Variants in PCDH15 observed in about 807,000 individuals in gnomAD.
PCDH15 encodes protocadherin related 15, also known as protocadherin-15.
A neutral mutation model predicts 178.5 loss-of-function variants in PCDH15; 129 were observed. That is an observed-to-expected ratio of 0.72 (90% CI 0.63 to 0.84). The LOEUF (loss-of-function observed/expected upper bound fraction) is 0.84, where lower values mean the gene tolerates loss of function less well. PCDH15 is among the 40% of genes least tolerant of loss of function. The pLI is 0.00. For synonymous variants in PCDH15, 800 were observed against 732.0 expected, an observed-to-expected ratio of 1.09 and a Z score of -1.50; for missense variants, 2,230 against 2,099.9, an observed-to-expected ratio of 1.06 and a Z score of -1.21.
Position 54,273,654 on chromosome 10 carries a change from A to G in PCDH15, c.877-36723T>C, listed in dbSNP as rs1356973605. Among the ~76,000 whole-genome samples the G allele has an allele frequency of 3.9e-5, 6 of 152,264 alleles. No homozygotes were observed. The East Asian group carries it at 1.2e-3, about 29-fold the overall frequency. ...AAGAAAAAAAAGTCATCAAACATAT[A>G]TCCTTCCAAAAGTATAGACTTCAAA... On this transcript the variant is annotated intron_variant, in intron 8 of 37. Coordinates refer to ENST00000644397, the MANE Select transcript of PCDH15 (RefSeq NM_001384140.1).
At chr10:53,845,758 G>T (rs1167516418) in intron 28 of PCDH15, among the ~76,000 whole-genome samples, 2 of 151,574 alleles carry the variant, frequency 1.3e-5, no homozygotes, top group African/African-American at 4.8e-5. Context: ...ATGGTTAATG[G>T]ATACAAAAAT....
intron 3 of PCDH15, among the ~76,000 whole-genome samples, chr10:54,892,394 T>A (rs1954478447): frequency 6.6e-6 from 1 of 151,654 alleles, no homozygotes; most frequent in Non-Finnish European, 1.5e-5. Flanking sequence ...AAAAATATTT[T>A]AAAATTAAAA....
chr10:55,449,069 A>T (rs1192198961), intron 2 of PCDH15, among the ~76,000 whole-genome samples: 1 of 152,080 alleles, frequency 6.6e-6, no homozygotes, highest in African/African-American at 2.4e-5. Flanking sequence ...AGATAGATCT[A>T]GGCATTGATT....
At chr10:54,153,937 A>C (rs967514241) in intron 13 of PCDH15, among the ~76,000 whole-genome samples, 2 of 152,222 alleles carry the variant, frequency 1.3e-5, no homozygotes, top group African/African-American at 4.8e-5. Context: ...ATCAAGGGTA[A>C]CATAGCCCAA....
chr10:53,884,847 G>A (rs2080978060), intron 26 of PCDH15, among the ~76,000 whole-genome samples: 1 of 151,942 alleles, frequency 6.6e-6, no homozygotes, highest in Admixed American at 6.6e-5. Context: ...TATAAATGTA[G>A]GTGAGATACA....
rs377699618 is a variant in PCDH15, at chr10:54,169,427, G to T, written c.1590+14017C>A. ...TTGACGGCCAGGCTTCTAAACCTCT[G>T]AAAACTCCCCAACTCTGTTGCCAAC... On this transcript the variant is annotated intron_variant, in intron 13 of 37. Coordinates refer to ENST00000644397, the MANE Select transcript of PCDH15 (RefSeq NM_001384140.1). Among the ~76,000 whole-genome samples the T allele has an allele frequency of 4.5e-3, 619 of 136,708 alleles. 1 individual carries two copies. Among genetic ancestry groups the T allele is most frequent in the African/African-American group, 0.015 (556 of 36,184 alleles). 89.7% of individuals were successfully genotyped at this position (136,708 alleles called of 152,430 possible).
intron 3 of PCDH15, among the ~76,000 whole-genome samples, chr10:54,820,543 C>T (rs1953021009): frequency 6.6e-6 from 1 of 152,008 alleles, no homozygotes; most frequent in Admixed American, 6.6e-5. Context: ...ATTTTAAATT[C>T]TGCCTTATTG....
At chr10:54,826,167 T>C (rs914958154) in intron 3 of PCDH15, among the ~76,000 whole-genome samples, 4 of 152,018 alleles carry the variant, frequency 2.6e-5, no homozygotes, top group African/African-American at 9.7e-5. Context: ...CTTTTTTATA[T>C]TTACACCACA....
chr10:54,557,273 T>C (rs889476494), intron 2 of PCDH15, among the ~76,000 whole-genome samples: 1 of 152,186 alleles, frequency 6.6e-6, no homozygotes, highest in Non-Finnish European at 1.5e-5. Context: ...GGGTAGATTC[T>C]AAAGACCAGT....
intron 9 of PCDH15, among the ~76,000 whole-genome samples, chr10:54,230,081 T>G (rs570791834): frequency 6.6e-6 from 1 of 152,326 alleles, no homozygotes; most frequent in South Asian, 2.1e-4. Context: ...TTTGATAGCT[T>G]TCACTTTTGC....
chr10:55,264,028 C>G (rs1488529446), intron 1 of PCDH15, among the ~76,000 whole-genome samples: 5 of 152,098 alleles, frequency 3.3e-5, no homozygotes, highest in Non-Finnish European at 7.4e-5. Flanking sequence ...GCCACCGCCC[C>G]GGGCCTGTTT....
intron 26 of PCDH15, among the ~76,000 whole-genome samples, chr10:53,899,320 C>CAATT (rs1441119599): frequency 6.6e-6 from 1 of 152,014 alleles, no homozygotes; most frequent in Admixed American, 6.6e-5. Context: ...AGCAGATATA[C>CAATT]AATTGTCTTT....
intron 26 of PCDH15, among the ~76,000 whole-genome samples, chr10:53,875,372 A>G (rs1382433485): frequency 6.6e-6 from 1 of 151,946 alleles, no homozygotes; most frequent in Non-Finnish European, 1.5e-5. Flanking sequence ...ATTTATTAAT[A>G]GTAATAAGGA....
intron 1 of PCDH15, among the ~76,000 whole-genome samples, chr10:54,766,888 C>A (rs1252146593): frequency 6.6e-6 from 1 of 151,942 alleles, no homozygotes; most frequent in African/African-American, 2.4e-5. Context: ...CGAGATAGCA[C>A]CACTGCACTC....
At chr10:53,841,143 A>G (rs1589040850) in intron 28 of PCDH15, among the ~76,000 whole-genome samples, 1 of 152,228 alleles carries the variant, frequency 6.6e-6, no homozygotes, top group Admixed American at 6.5e-5. Flanking sequence ...ATATTAATCA[A>G]TAAGTAATTT....
intron 8 of PCDH15, among the ~76,000 whole-genome samples, chr10:54,285,050 A>G (rs1173645432): frequency 1.3e-5 from 2 of 152,224 alleles, no homozygotes; most frequent in Non-Finnish European, 2.9e-5. Context: ...TAACTCAATA[A>G]AATTTAAACC....
intron 2 of PCDH15, among the ~76,000 whole-genome samples, chr10:55,438,109 A>G (rs1839090115): frequency 6.6e-6 from 1 of 152,162 alleles, no homozygotes; most frequent in African/African-American, 2.4e-5. Flanking sequence ...TGCTGGGAGT[A>G]CAGGCATGAG....
intron 2 of PCDH15, among the ~76,000 whole-genome samples, chr10:55,373,351 T>C (rs190972412): frequency 4.0e-4 from 61 of 152,210 alleles, no homozygotes; most frequent in Admixed American, 2.7e-3. Context: ...AGTCTTTCCA[T>C]GGGGGAAAGT....
intron 21 of PCDH15, among the ~76,000 whole-genome samples, chr10:53,989,780 A>G (rs2091342949): frequency 6.6e-6 from 1 of 152,174 alleles, no homozygotes; most frequent in Non-Finnish European, 1.5e-5. Context: ...TCTCTGCTAC[A>G]TTGTTAGCAA....
Sources: allele counts gnomAD v4.1 joint callset (sites outside exome capture counted in the v4.1 genomes callset), GRCh38; gene constraint gnomAD v4.1.1; transcripts MANE v1.5; gene names NCBI Gene and HGNC (gene_info 2026-07-23, HGNC 2026-07-21).